Variants in TEAD4 observed in about 807,000 individuals in gnomAD.
The protein encoded by TEAD4 is transcriptional enhancer factor TEF-3.
TEAD4 carries 36 observed loss-of-function variants against 52.4 expected under a neutral mutation model. The ratio of observed to expected loss-of-function variants is 0.69; its 90% confidence interval spans 0.53 to 0.91. TEAD4 has a LOEUF of 0.91. TEAD4 is among the 40% of genes least tolerant of loss of function. The probability of loss-of-function intolerance (pLI) is 0.00; values close to 1 mark genes in which losing one functional copy is unlikely to be tolerated. For missense variants in TEAD4, 508 were observed against 583.9 expected (o/e 0.87, Z 1.34); for synonymous variants, 220 against 231.0 (o/e 0.95, Z 0.43).
chr12:2,974,858 G>A (rs1279260407), intron 2 of TEAD4, among the ~76,000 whole-genome samples: 1 of 152,098 alleles, frequency 6.6e-6, no homozygotes, highest in African/African-American at 2.4e-5. Context: ...CCACCCCCGA[G>A]GCTGAGGAAA....
chr12:2,991,193 T>C (rs915601426), intron 2 of TEAD4, among the ~76,000 whole-genome samples: 3 of 152,118 alleles, frequency 2.0e-5, no homozygotes, highest in African/African-American at 7.2e-5. Context: ...AGCAAGACAC[T>C]GTCTCTAAAA....
At chr12:2,988,266 A>G (rs928650619) in intron 2 of TEAD4, among the ~76,000 whole-genome samples, 1 of 151,538 alleles carries the variant, frequency 6.6e-6, no homozygotes, top group Non-Finnish European at 1.5e-5. Context: ...TAATCCCAGC[A>G]CTTTGGGAGG....
intron 2 of TEAD4, among the ~76,000 whole-genome samples, chr12:2,961,347 T>C (rs541000719): frequency 9.2e-5 from 14 of 151,748 alleles, no homozygotes; most frequent in African/African-American, 2.9e-4. Flanking sequence ...GCATGAGGGC[T>C]TCAACGTGGA....
intron 2 of TEAD4, among the ~76,000 whole-genome samples, chr12:2,977,350 T>A (rs2098230617): frequency 6.6e-6 from 1 of 152,156 alleles, no homozygotes; most frequent in South Asian, 2.1e-4. Flanking sequence ...TCCCTTCTTT[T>A]TCCTCTCTCT....
intron 2 of TEAD4, among the ~76,000 whole-genome samples, chr12:2,974,700 G>C (rs544156478): frequency 3.0e-4 from 45 of 152,242 alleles, no homozygotes; most frequent in Admixed American, 1.7e-3. Flanking sequence ...TCTTCTGCCT[G>C]GCTCCTCCTT....
At chr12:3,016,649 G>A (rs2153957067) in intron 5 of TEAD4, among the ~76,000 whole-genome samples, 1 of 152,116 alleles carries the variant, frequency 6.6e-6, no homozygotes, top group Middle Eastern at 3.4e-3. Flanking sequence ...TTTCCATTAG[G>A]CTTCTTGAAA....
Position 3,017,448 on chromosome 12 carries a change from T to C in TEAD4, c.405T>C (p.Ser135=), listed in dbSNP as rs1170494295. 6 of 1,614,056 alleles carry C rather than the reference T, an allele frequency of 3.7e-6. No individual in the cohort carries two copies. Among genetic ancestry groups the C allele is most frequent in the Non-Finnish European group, 5.1e-6 (6 of 1,180,042 alleles). Reference sequence around the variant, plus strand: ...TGCAGAGCATGGCTGCCATGTCGTCTGCACAGATCATCTCCGCCACGGCCT... The same window carrying C: ...TGCAGAGCATGGCTGCCATGTCGTCCGCACAGATCATCTCCGCCACGGCCT... The change falls in exon 6 of 13, where the codon TCT becomes TCC. Residue 135 remains serine, a synonymous_variant. Coordinates refer to ENST00000359864, the MANE Select transcript of TEAD4 (RefSeq NM_003213.4).
chr12:3,015,938 G>A (rs1565544104), intron 5 of TEAD4, among the ~76,000 whole-genome samples: 2 of 152,172 alleles, frequency 1.3e-5, no homozygotes, highest in African/African-American at 2.4e-5. Context: ...AGCACTGGGA[G>A]GTCGAGGCAG....
chr12:3,015,201 T>C (rs189982509), intron 5 of TEAD4, among the ~76,000 whole-genome samples: 2 of 152,290 alleles, frequency 1.3e-5, no homozygotes, highest in East Asian at 3.9e-4. Flanking sequence ...AACAGTTCCC[T>C]ACTCCCCACC....
chr12:3,008,146 T>C lies in TEAD4; in HGVS notation c.227-2858T>C, dbSNP rs184353890. On this transcript the variant is annotated intron_variant, in intron 3 of 12. Transcript: ENST00000359864. ...CTGAAATAAGTTAGATTATGTATTATGCTAGAAGGTGCTGTGGAGGAAAGT... is the reference window on the plus strand; with the variant it reads ...CTGAAATAAGTTAGATTATGTATTACGCTAGAAGGTGCTGTGGAGGAAAGT... Among the ~76,000 whole-genome samples, 56 of 152,292 alleles carry C rather than the reference T, an allele frequency of 3.7e-4. 1 individual carries two copies. Among genetic ancestry groups the C allele is most frequent in the African/African-American group, 1.3e-3 (55 of 41,564 alleles).
chr12:2,968,373 A>T (rs903321919), intron 2 of TEAD4, among the ~76,000 whole-genome samples: 3 of 122,360 alleles, frequency 2.5e-5, no homozygotes, highest in Admixed American at 1.8e-4. Context: ...GGTGTGAGCC[A>T]CCGCGCCCGG....
chr12:2,972,775 A>T (rs1003583157), intron 2 of TEAD4, among the ~76,000 whole-genome samples: 1 of 152,134 alleles, frequency 6.6e-6, no homozygotes, highest in Admixed American at 6.5e-5. Flanking sequence ...TGCTGGGATT[A>T]CAGGCGTGAG....
intron 2 of TEAD4, 83 bp downstream of exon 2, chr12:2,960,123 C>A (rs931612909): frequency 5.8e-5 from 10 of 173,444 alleles, no homozygotes; most frequent in Non-Finnish European, 1.1e-4. Flanking sequence ...CCTCCCGGGA[C>A]GAGACTGGGA....
intron 2 of TEAD4, among the ~76,000 whole-genome samples, chr12:2,963,400 G>A (rs1365903955): frequency 2.0e-5 from 3 of 152,202 alleles, no homozygotes; most frequent in Non-Finnish European, 4.4e-5. Context: ...TGTGAGGGTG[G>A]CTTTACCTTG....
intron 2 of TEAD4, among the ~76,000 whole-genome samples, chr12:2,965,597 G>T (rs1201107227): frequency 1.3e-5 from 2 of 152,138 alleles, no homozygotes; most frequent in East Asian, 3.8e-4. Context: ...TTTCGCCCAG[G>T]CTGGAGGGCA....
chr12:3,040,559 C>T lies in TEAD4; in HGVS notation c.*81C>T, dbSNP rs1251574669. The T allele has an allele frequency of 1.6e-6, 2 of 1,261,688 alleles. No individual in the cohort carries two copies. The highest frequency in any genetic ancestry group is 1.3e-5 in the South Asian group (1 of 78,120). 78.2% of individuals were successfully genotyped at this position (1,261,688 alleles called of 1,614,324 possible). A position where few individuals can be genotyped will look rare whatever the true frequency, so the allele number is the denominator to read the frequency against. On this transcript the variant is annotated 3_prime_UTR_variant, in exon 13 of 13. Transcript: ENST00000359864. Reference sequence around the variant, plus strand: ...GGGGAGGGGACCTGCAGGGGCAGCCCCCTGAAGTGCCAAGAGAGCTGAGAG... The same window carrying T: ...GGGGAGGGGACCTGCAGGGGCAGCCTCCTGAAGTGCCAAGAGAGCTGAGAG...
intron 3 of TEAD4, among the ~76,000 whole-genome samples, chr12:3,009,091 T>C (rs1433427917): frequency 6.6e-6 from 1 of 152,202 alleles, no homozygotes; most frequent in Non-Finnish European, 1.5e-5. Flanking sequence ...TGTAGAAATT[T>C]GGAAGAATCT....
intron 3 of TEAD4, among the ~76,000 whole-genome samples, chr12:3,009,352 C>G (rs1386588220): frequency 6.6e-6 from 1 of 152,234 alleles, no homozygotes; most frequent in East Asian, 1.9e-4. Flanking sequence ...ATCGCTTGAA[C>G]CCGGGAGGCG....
At chr12:3,007,941 G>A (rs902540446) in intron 3 of TEAD4, among the ~76,000 whole-genome samples, 5 of 152,096 alleles carry the variant, frequency 3.3e-5, no homozygotes, top group African/African-American at 4.8e-5. Flanking sequence ...AAACAGTTAC[G>A]GGACATCTGA....
Sources: gnomAD v4.1 joint callset for allele counts (sites outside exome capture counted in the v4.1 genomes callset) on GRCh38, gnomAD v4.1.1 for gene constraint, MANE v1.5 for transcripts, NCBI Gene and HGNC (gene_info 2026-07-23, HGNC 2026-07-21) for gene names.